PLXNA4: variants seen among roughly 807,000 people sequenced by gnomAD.
The protein encoded by PLXNA4 is plexin-A4.
PLXNA4 carries 44 observed loss-of-function variants against 191.8 expected under a neutral mutation model. The observed-to-expected ratio is 0.23, with a 90% CI of 0.18 to 0.29. The LOEUF is 0.29. PLXNA4 is among the 10% of genes least tolerant of loss of function. PLXNA4 has a pLI of 1.00. For missense variants in PLXNA4, 1,800 were observed against 2,488.8 expected (o/e 0.72, Z 5.89); for synonymous variants, 1,082 against 1,009.5 (o/e 1.07, Z -1.36).
At chr7:132,435,685 TG>T in intron 3 of PLXNA4, among the ~76,000 whole-genome samples, 1 of 152,338 alleles carries the variant, frequency 6.6e-6, no homozygotes, top group Middle Eastern at 3.4e-3. Flanking sequence ...GTCTTTGTGT[TG>T]GTGAGCCTGT....
chr7:132,360,749 G>T (rs1047961365), intron 3 of PLXNA4, among the ~76,000 whole-genome samples: 3 of 152,232 alleles, frequency 2.0e-5, no homozygotes, highest in African/African-American at 7.2e-5. Flanking sequence ...CTTGTAGAGA[G>T]AGAGACAGTG....
chr7:132,195,291 G>C (rs1306299732), intron 13 of PLXNA4, among the ~76,000 whole-genome samples: 1 of 152,010 alleles, frequency 6.6e-6, no homozygotes. Context: ...GACACGGCTC[G>C]ACTTTTTTCT....
intron 2 of PLXNA4, among the ~76,000 whole-genome samples, chr7:132,610,127 G>A (rs914194736): frequency 5.9e-5 from 9 of 152,256 alleles, no homozygotes; most frequent in Admixed American, 5.2e-4. Context: ...ACATAGCAGG[G>A]CATTTATGGA....
At chr7:132,325,809 C>T (rs190790767) in intron 3 of PLXNA4, among the ~76,000 whole-genome samples, 2 of 152,300 alleles carry the variant, frequency 1.3e-5, no homozygotes, top group Admixed American at 6.5e-5. Context: ...AACTGACACA[C>T]GTAAGCCCAG....
chr7:132,333,881 G>A (rs1028867045), intron 3 of PLXNA4, among the ~76,000 whole-genome samples: 1 of 152,148 alleles, frequency 6.6e-6, no homozygotes, highest in African/African-American at 2.4e-5. Context: ...CAGCCCTGCT[G>A]ATTTTTTCTC....
intron 25 of PLXNA4, among the ~76,000 whole-genome samples, chr7:132,152,113 G>A (rs776338056): frequency 6.6e-6 from 1 of 152,246 alleles, no homozygotes; most frequent in South Asian, 2.1e-4. Flanking sequence ...GCTCTTGCAC[G>A]ACTTCCTGAC....
chr7:132,208,970 C>T (rs1797713584), intron 10 of PLXNA4, among the ~76,000 whole-genome samples: 1 of 152,206 alleles, frequency 6.6e-6, no homozygotes, highest in Non-Finnish European at 1.5e-5. Context: ...TCAGGCAGCT[C>T]TCGGCCTGGG....
At chr7:132,549,291 T>C (rs552052573) in intron 1 of PLXNA4, among the ~76,000 whole-genome samples, 9 of 152,350 alleles carry the variant, frequency 5.9e-5, no homozygotes, top group South Asian at 2.1e-4. Flanking sequence ...AGGATGCTTT[T>C]CTGGTAAGGC....
At chr7:132,337,510 G>A (rs993863877) in intron 3 of PLXNA4, among the ~76,000 whole-genome samples, 10 of 152,162 alleles carry the variant, frequency 6.6e-5, no homozygotes, top group South Asian at 2.1e-4. Context: ...ATTGTCTTTC[G>A]TATAAATGCC....
At chr7:132,591,387 A>G (rs917170180) in intron 2 of PLXNA4, among the ~76,000 whole-genome samples, 1 of 152,226 alleles carries the variant, frequency 6.6e-6, no homozygotes, top group Non-Finnish European at 1.5e-5. Context: ...TCTCTCAAGC[A>G]GGCTGTGAAG....
intron 3 of PLXNA4, among the ~76,000 whole-genome samples, chr7:132,487,870 G>T (rs540842239): frequency 6.6e-6 from 1 of 152,350 alleles, no homozygotes; most frequent in East Asian, 1.9e-4. Flanking sequence ...AGCAAGGAAA[G>T]ATTCCATTGC....
intron 3 of PLXNA4, among the ~76,000 whole-genome samples, chr7:132,360,316 T>A (rs1803884093): frequency 6.6e-6 from 1 of 152,174 alleles, no homozygotes; most frequent in African/African-American, 2.4e-5. Context: ...GAGTTCTTGT[T>A]GTCCCTCAGG....
chr7:132,405,435 C>T (rs1794180800), intron 3 of PLXNA4, among the ~76,000 whole-genome samples: 1 of 152,216 alleles, frequency 6.6e-6, no homozygotes, highest in African/African-American at 2.4e-5. Flanking sequence ...TCTGATCTCA[C>T]TCTTCCTTGG....
intron 3 of PLXNA4, among the ~76,000 whole-genome samples, chr7:132,388,522 A>C (rs1805257853): frequency 6.6e-6 from 1 of 152,114 alleles, no homozygotes; most frequent in Non-Finnish European, 1.5e-5. Flanking sequence ...TACCCTAACT[A>C]ACAATTTTGG....
intron 3 of PLXNA4, among the ~76,000 whole-genome samples, chr7:132,342,410 G>A (rs757427625): frequency 5.3e-5 from 8 of 151,924 alleles, no homozygotes; most frequent in African/African-American, 7.3e-5. Flanking sequence ...AGAAGCTTCT[G>A]TGATTGTTAT....
At chr7:132,555,074 C>G (rs6959721) in intron 1 of PLXNA4, among the ~76,000 whole-genome samples, 137,658 of 146,306 alleles carry the variant, frequency 0.94, 64,917 homozygotes, top group East Asian at 1. Context: ...AAAACAGTAA[C>G]CATCACCATG....
At chr7:132,272,901 T>C (rs757448415) in intron 4 of PLXNA4, among the ~76,000 whole-genome samples, 4 of 152,218 alleles carry the variant, frequency 2.6e-5, no homozygotes, top group Non-Finnish European at 5.9e-5. Context: ...CTCTCCATAA[T>C]GTATTCACTT....
chr7:132,530,895 G>A (rs1434151840), intron 1 of PLXNA4, among the ~76,000 whole-genome samples: 7 of 152,080 alleles, frequency 4.6e-5, no homozygotes, highest in African/African-American at 1.2e-4. Context: ...AATATTATTC[G>A]GCCATATAAA....
intron 3 of PLXNA4, among the ~76,000 whole-genome samples, chr7:132,313,949 C>G (rs1484844194): frequency 6.6e-6 from 1 of 152,152 alleles, no homozygotes; most frequent in African/African-American, 2.4e-5. Context: ...TTTCCTACTT[C>G]CCTTCACGTT....
Sources: gnomAD v4.1 joint callset for allele counts (sites outside exome capture counted in the v4.1 genomes callset) on GRCh38, gnomAD v4.1.1 for gene constraint, MANE v1.5 for transcripts, NCBI Gene and HGNC (gene_info 2026-07-23, HGNC 2026-07-21) for gene names.